The following HNRNPA2B1 variants were observed in gnomAD, a reference collection of about 807,000 sequenced individuals.
HNRNPA2B1 encodes the protein heterogeneous nuclear ribonucleoproteins A2/B1.
Under a neutral mutation model 46.3 loss-of-function variants are expected in HNRNPA2B1, and 3 were observed. That is an observed-to-expected ratio of 0.06 (90% confidence interval 0.03 to 0.17). The LOEUF is 0.17. Ranked by LOEUF, HNRNPA2B1 falls within the 10% of genes least tolerant of loss-of-function variation. The pLI is 1.00. For synonymous variants in HNRNPA2B1, 225 were observed against 133.8 expected (o/e 1.68, Z -4.70); for missense variants, 221 against 418.9 (o/e 0.53, Z 4.12).
At position 26,191,231 on chromosome 7, in the gene HNRNPA2B1, A is replaced by C. The variant is rs1782884375; in HGVS notation, c.*1129T>G. 6.6e-6 allele frequency: 1 copy of C among 152,322 alleles called. No homozygotes were observed. The highest frequency in any genetic ancestry group is 6.5e-5 in the Admixed American group (1 of 15,278). The allele number at this position is 152,322 out of a possible 1,614,324, so 9.4% of individuals were successfully genotyped here. A position where few individuals can be genotyped will look rare whatever the true frequency, so the allele number is the denominator to read the frequency against. On this transcript the variant is annotated 3_prime_UTR_variant, in exon 11 of 11. Transcript: ENST00000618183. Reference sequence around the variant, plus strand: ...AGGAAAAAAAGGGAAAAACAACCAAAATAATTTAAGTAAATGACAGATTGG... The same window carrying C: ...AGGAAAAAAAGGGAAAAACAACCAACATAATTTAAGTAAATGACAGATTGG...
chr7:26,197,184 G>T, intron 3 of HNRNPA2B1, 131 bp downstream of exon 3: 2 of 1,214,930 alleles, frequency 1.6e-6, no homozygotes, highest in Middle Eastern at 2.0e-4. Context: ...TTAAGAAAAT[G>T]GTCCAGAAAC....
chr7:26,196,208 A>T (rs1296173518), intron 6 of HNRNPA2B1, among the ~76,000 whole-genome samples, 193 bp downstream of exon 6: 1 of 152,188 alleles, frequency 6.6e-6, no homozygotes, highest in African/African-American at 2.4e-5. Flanking sequence ...AATCCAGATA[A>T]ATACAACTGT....
Position 26,197,606 on chromosome 7 carries a change from T to TC in HNRNPA2B1, c.117+15dup. Reference sequence around the variant, plus strand: ...TAAAAGACTAATATCCAGTAACAATTCAGTAATTTACATACCACACAGTCT... The same window carrying TC: ...TAAAAGACTAATATCCAGTAACAATTCCAGTAATTTACATACCACACAGTCT... On this transcript the variant is annotated intron_variant, in intron 2 of 10. Transcript: ENST00000618183. 6.3e-7 allele frequency: 1 copy of TC among 1,591,180 alleles called. No homozygotes were observed. The highest frequency in any genetic ancestry group is 8.6e-7 in the Non-Finnish European group (1 of 1,160,086).
chr7:26,194,239 A>G (rs1002824993), intron 7 of HNRNPA2B1, among the ~76,000 whole-genome samples: 1 of 152,160 alleles, frequency 6.6e-6, no homozygotes, highest in South Asian at 2.1e-4. Flanking sequence ...TACTAAAAAT[A>G]CAAAACATTA....
chr7:26,193,788 A>G lies in HNRNPA2B1; in HGVS notation c.722-94T>C, dbSNP rs374010523. ...TCCATTTCCAGCTTTCCAAGTTTCCATGTGAAATATTTAATGAAATTCCTC... is the reference window on the plus strand; with the variant it reads ...TCCATTTCCAGCTTTCCAAGTTTCCGTGTGAAATATTTAATGAAATTCCTC... On this transcript the variant is annotated intron_variant, in intron 7 of 10. Coordinates refer to ENST00000618183, the MANE Select transcript of HNRNPA2B1 (RefSeq NM_002137.4). 8 of 1,065,870 alleles carry G rather than the reference A, an allele frequency of 7.5e-6. No individual in the cohort carries two copies. The African/African-American group carries it at 8.2e-5, about 11-fold the overall frequency. 66.0% of individuals were successfully genotyped at this position (1,065,870 alleles called of 1,614,324 possible). A position where few individuals can be genotyped will look rare whatever the true frequency, so the allele number is the denominator to read the frequency against.
intron 7 of HNRNPA2B1, among the ~76,000 whole-genome samples, chr7:26,195,339 C>G (rs188210745): frequency 6.6e-6 from 1 of 152,114 alleles, no homozygotes; most frequent in Non-Finnish European, 1.5e-5. Flanking sequence ...CTTTTCTGTA[C>G]GCCAATGATA....
chr7:26,195,755 A>G, intron 7 of HNRNPA2B1, 92 bp downstream of exon 7: 1 of 1,402,238 alleles, frequency 7.1e-7, no homozygotes, highest in South Asian at 1.3e-5. Context: ...CTAATATAAA[A>G]TGTTTAAAAA....
chr7:26,192,681 C>A, intron 9 of HNRNPA2B1, 104 bp from the exon 10 acceptor site: 2 of 927,832 alleles, frequency 2.2e-6, no homozygotes, highest in Non-Finnish European at 3.5e-6. Context: ...GTCTTTTAAA[C>A]AAGCAGATCC....
chr7:26,192,194 C>A lies in HNRNPA2B1; in HGVS notation c.*166G>T. ...TCCAATCCATTCACAAAATGGCTCT[C>A]TGCATCTGCTCTGGTGTCTTCTGCC... On this transcript the variant is annotated 3_prime_UTR_variant, in exon 11 of 11. Coordinates refer to ENST00000618183, the MANE Select transcript of HNRNPA2B1 (RefSeq NM_002137.4). 1 of 236,964 alleles carries A rather than the reference C, an allele frequency of 4.2e-6. No homozygotes were observed. The highest frequency in any genetic ancestry group is 5.2e-5 in the Admixed American group (1 of 19,364). 14.7% of individuals were successfully genotyped at this position (236,964 alleles called of 1,614,324 possible).
intron 6 of HNRNPA2B1, among the ~76,000 whole-genome samples, chr7:26,196,142 G>C: frequency 6.6e-6 from 1 of 152,290 alleles, no homozygotes; most frequent in East Asian, 1.9e-4. Flanking sequence ...TTATACGTAA[G>C]AATGACACTT....
At position 26,193,238 on chromosome 7, in the gene HNRNPA2B1, T is replaced by A; in HGVS notation, c.964+13A>T. 6.2e-7 allele frequency: 1 copy of A among 1,604,456 alleles called. No homozygotes were observed. Among genetic ancestry groups the A allele is most frequent in the Non-Finnish European group, 8.5e-7 (1 of 1,177,166 alleles). On this transcript the variant is annotated intron_variant, in intron 9 of 10. Transcript: ENST00000618183. ...TCACAAAAATCTGAATAACCTCAATTTTTATAAATTACCTCCACCATATGG... is the reference window on the plus strand; with the variant it reads ...TCACAAAAATCTGAATAACCTCAATATTTATAAATTACCTCCACCATATGG...
intron 7 of HNRNPA2B1, among the ~76,000 whole-genome samples, chr7:26,195,119 A>AT (rs948226608): frequency 1.6e-5 from 2 of 128,672 alleles, no homozygotes; most frequent in Non-Finnish European, 1.6e-5. Context: ...AAGAAACCAT[A>AT]TTAAAAAAAA....
chr7:26,199,157 T>C (rs1389556323), intron 1 of HNRNPA2B1: 1 of 152,520 alleles, frequency 6.6e-6, no homozygotes, highest in Non-Finnish European at 1.5e-5. Context: ...GTTTTACAAA[T>C]CACTAACAAA....
chr7:26,195,092 C>CAAAAAAAAAAAAAAAAAA (rs11356411), intron 7 of HNRNPA2B1, among the ~76,000 whole-genome samples: 6 of 51,938 alleles, frequency 1.2e-4, no homozygotes, highest in Admixed American at 2.0e-4. Flanking sequence ...GGCTCCGTCT[C>CAAAAAAAAAAAAAAAAAA]AAAAAAAAAA....
chr7:26,195,800 T>C, intron 7 of HNRNPA2B1, 47 bp downstream of exon 7: 14 of 1,588,242 alleles, frequency 8.8e-6, no homozygotes, highest in East Asian at 2.2e-5. Context: ...TACGATATAG[T>C]TAAGTATTAG....
chr7:26,197,196 C>T (rs1475277997), intron 3 of HNRNPA2B1, 119 bp downstream of exon 3: 2 of 1,295,636 alleles, frequency 1.5e-6, no homozygotes, highest in Non-Finnish European at 2.1e-6. Flanking sequence ...TCCAGAAACC[C>T]AACACACCTT....
At chr7:26,199,758 A>G (rs1784144900) in intron 1 of HNRNPA2B1, 1 of 152,154 alleles carries the variant, frequency 6.6e-6, no homozygotes, top group African/African-American at 2.4e-5. Flanking sequence ...ACTCAAAGGA[A>G]AAAAAAGACA....
intron 7 of HNRNPA2B1, 190 bp downstream of exon 7, chr7:26,195,657 G>T (rs1246692708): frequency 5.3e-6 from 3 of 563,602 alleles, no homozygotes; most frequent in African/African-American, 3.9e-5. Context: ...CATTTAAAAT[G>T]GCACTCTATT....
chr7:26,197,570 TAACA>T (rs999007720), intron 2 of HNRNPA2B1, 48 bp downstream of exon 2: 13 of 1,562,278 alleles, frequency 8.3e-6, no homozygotes, highest in African/African-American at 5.4e-5. Flanking sequence ...ATGATTCACT[TAACA>T]TACAGCTAAA....
Sources: gnomAD v4.1 joint callset for allele counts (sites outside exome capture counted in the v4.1 genomes callset) on GRCh38, gnomAD v4.1.1 for gene constraint, MANE v1.5 for transcripts, NCBI Gene and HGNC (gene_info 2026-07-23, HGNC 2026-07-21) for gene names.